Variants in RREB1 observed in about 807,000 individuals in gnomAD.
RREB1 encodes ras-responsive element-binding protein 1.
In RREB1, 27 loss-of-function variants were observed where a neutral mutation model predicts 117.8. That is an observed-to-expected ratio of 0.23 (90% confidence interval 0.17 to 0.32). RREB1 has a LOEUF of 0.32. RREB1 is among the 10% of genes least tolerant of loss of function. RREB1 has a pLI of 1.00. For missense variants in RREB1, 2,577 were observed against 2,378.2 expected (o/e 1.08, Z -1.74); for synonymous variants, 1,298 against 1,026.7 (o/e 1.26, Z -5.05).
chr6:7,230,593 G>A lies in RREB1; in HGVS notation c.2494G>A (p.Gly832Ser). 1.2e-6 allele frequency: 2 copies of A among 1,604,094 alleles called. No homozygotes were observed. Among genetic ancestry groups the A allele is most frequent in the Admixed American group, 3.4e-5 (2 of 58,988 alleles). Residue 832 changes from glycine (G) to serine (S), a missense_variant, in exon 10 of 13, where the codon GGC becomes AGC. Transcript: ENST00000379938. ...CTACGTGCTGGCCGCCGACGGCCTG[G>A]GCCCCGCAGAGGCGCCGGCCGCTGA... is the stretch of plus-strand genomic sequence containing the variant. ...ESYVLAADGL[G>S]PAEAPAAEAS...
chr6:7,198,406 T>C (rs1765771151), intron 6 of RREB1, among the ~76,000 whole-genome samples: 1 of 152,140 alleles, frequency 6.6e-6, no homozygotes, highest in Admixed American at 6.5e-5. Context: ...GAAAAGAAAA[T>C]CTTAAAAGCA....
chr6:7,112,470 T>G (rs772020057), intron 1 of RREB1, among the ~76,000 whole-genome samples: 4 of 152,184 alleles, frequency 2.6e-5, no homozygotes, highest in Non-Finnish European at 4.4e-5. Flanking sequence ...TTCTTTTCTC[T>G]CTTTCTTTCC....
At chr6:7,124,262 G>A (rs1761811672) in intron 1 of RREB1, among the ~76,000 whole-genome samples, 1 of 152,172 alleles carries the variant, frequency 6.6e-6, no homozygotes, top group Non-Finnish European at 1.5e-5. Context: ...GTGTGGTCAT[G>A]TGTTCCTTTT....
At chr6:7,242,243 T>G (rs1343069074) in intron 11 of RREB1, among the ~76,000 whole-genome samples, 1 of 152,200 alleles carries the variant, frequency 6.6e-6, no homozygotes, top group Admixed American at 6.5e-5. Flanking sequence ...GAACAAAGAC[T>G]GGGGCTCCTG....
At chr6:7,228,173 T>C (rs552414148) in intron 9 of RREB1, among the ~76,000 whole-genome samples, 1 of 152,240 alleles carries the variant, frequency 6.6e-6, no homozygotes, top group South Asian at 2.1e-4. Flanking sequence ...ACTCAATGGA[T>C]TGTTCCATAT....
chr6:7,230,595 C>T lies in RREB1; in HGVS notation c.2496C>T (p.Gly832=), dbSNP rs774824920. The T allele has an allele frequency of 2.5e-6, 4 of 1,604,042 alleles. No individual in the cohort carries two copies. The highest frequency in any genetic ancestry group is 1.7e-6 in the Non-Finnish European group (2 of 1,175,838). ...ACGTGCTGGCCGCCGACGGCCTGGG[C>T]CCCGCAGAGGCGCCGGCCGCTGAGG... is the stretch of plus-strand genomic sequence containing the variant. ...ESYVLAADGL[G]PAEAPAAEAS... The change falls in exon 10 of 13, where the codon GGC becomes GGT. Residue 832 remains glycine, a synonymous_variant. Coordinates refer to ENST00000379938, the MANE Select transcript of RREB1 (RefSeq NM_001003699.4).
chr6:7,191,378 CAT>C lies in RREB1; in HGVS notation c.425+2057_425+2058del, dbSNP rs1383496363. 2.0e-5 allele frequency among the ~76,000 whole-genome samples: 3 copies of C among 152,088 alleles called. No homozygotes were observed. The East Asian group carries it at 5.8e-4, about 29-fold the overall frequency. ...ACTTATCCCTTGATCAGCTGATGGA[CAT>C]GTGGGTTGTTTCAACTTTTTGGTTA... On this transcript the variant is annotated intron_variant, in intron 6 of 12. Coordinates refer to ENST00000379938, the MANE Select transcript of RREB1 (RefSeq NM_001003699.4).
At position 7,126,191 on chromosome 6, in the gene RREB1, T is replaced by A. The variant is rs147180134; in HGVS notation, c.-285+18131T>A. On this transcript the variant is annotated intron_variant, in intron 1 of 12. Coordinates refer to ENST00000379938, the MANE Select transcript of RREB1 (RefSeq NM_001003699.4). ...TAATTTTTGTATTTTTAGTAGAGGC[T>A]GGGTTTCACTATGTTGGTCAGGCTG... is the stretch of plus-strand genomic sequence containing the variant. Among the ~76,000 whole-genome samples the A allele has an allele frequency of 5.1e-3, 783 of 152,142 alleles. 9 individuals carry two copies. Among genetic ancestry groups the A allele is most frequent in the African/African-American group, 0.016 (683 of 41,476 alleles).
At chr6:7,111,726 C>G (rs1429581659) in intron 1 of RREB1, among the ~76,000 whole-genome samples, 2 of 152,092 alleles carry the variant, frequency 1.3e-5, no homozygotes, top group East Asian at 3.9e-4. Context: ...AATTGAAGTT[C>G]AGTACTCTAT....
At chr6:7,174,363 G>A (rs192275200) in intron 1 of RREB1, among the ~76,000 whole-genome samples, 6 of 152,182 alleles carry the variant, frequency 3.9e-5, no homozygotes, top group Non-Finnish European at 7.4e-5. Flanking sequence ...CAAGAGGATG[G>A]AAGTTTCAAG....
intron 6 of RREB1, among the ~76,000 whole-genome samples, chr6:7,191,090 TA>T (rs1765376152): frequency 6.6e-6 from 1 of 152,198 alleles, no homozygotes; most frequent in Non-Finnish European, 1.5e-5. Context: ...AACACAGCTA[TA>T]AAAGGCGTAG....
In RREB1 at chr6:7,231,707, A is replaced by G. The variant is rs1287533031; in HGVS notation, c.3608A>G (p.Asn1203Ser). The G allele has an allele frequency of 2.2e-5, 36 of 1,613,424 alleles. No homozygotes were observed. Among genetic ancestry groups the G allele is most frequent in the Non-Finnish European group, 3.0e-5 (35 of 1,179,814 alleles). The part of the protein sequence containing the change: ...FSPFLQTAED[N>S]TQDEVAGAPA... The stretch of plus-strand genomic sequence containing the variant: ...CCGTTTCTGCAGACAGCGGAGGACA[A>G]CACTCAGGATGAGGTGGCCGGAGCC... The change falls in exon 10 of 13, where the codon AAC becomes AGC. Residue 1203 changes from asparagine to serine, a missense_variant. Transcript: ENST00000379938.
intron 1 of RREB1, among the ~76,000 whole-genome samples, chr6:7,121,575 T>C (rs1172896719): frequency 1.3e-5 from 2 of 152,140 alleles, no homozygotes; most frequent in Non-Finnish European, 2.9e-5. Context: ...GTTGTGTATC[T>C]AATGTGTTGG....
At chr6:7,170,673 A>T (rs1764164476) in intron 1 of RREB1, among the ~76,000 whole-genome samples, 1 of 152,230 alleles carries the variant, frequency 6.6e-6, no homozygotes, top group Non-Finnish European at 1.5e-5. Context: ...AGCCCTGCAT[A>T]GATCCATTCC....
chr6:7,178,716 A>G, intron 2 of RREB1, among the ~76,000 whole-genome samples: 1 of 152,112 alleles, frequency 6.6e-6, no homozygotes, highest in Non-Finnish European at 1.5e-5. Flanking sequence ...CATTTTATTA[A>G]TTACGCTTTC....
intron 11 of RREB1, among the ~76,000 whole-genome samples, chr6:7,245,006 T>A (rs1768920228): frequency 1.3e-5 from 2 of 152,232 alleles, no homozygotes; most frequent in Admixed American, 6.5e-5. Flanking sequence ...TGCAATCACA[T>A]CTGGCCTATT....
At chr6:7,213,811 C>T (rs190939029) in intron 8 of RREB1, 2 of 152,244 alleles carry the variant, frequency 1.3e-5, no homozygotes, top group African/African-American at 4.8e-5. Flanking sequence ...CTGAGCCCGT[C>T]TGTATACTTC....
intron 1 of RREB1, among the ~76,000 whole-genome samples, chr6:7,155,322 T>C (rs191695557): frequency 6.6e-6 from 1 of 152,348 alleles, no homozygotes; most frequent in East Asian, 1.9e-4. Context: ...TGTTTGTTTG[T>C]CTGAGACAGA....
At chr6:7,218,622 C>T (rs1767048376) in intron 8 of RREB1, 2 of 152,128 alleles carry the variant, frequency 1.3e-5, no homozygotes, top group Admixed American at 1.3e-4. Flanking sequence ...TTGCAGATTC[C>T]CTTTTCAGGG....
Sources: allele counts gnomAD v4.1 joint callset (sites outside exome capture counted in the v4.1 genomes callset), GRCh38; gene constraint gnomAD v4.1.1; transcripts MANE v1.5; gene names NCBI Gene and HGNC (gene_info 2026-07-23, HGNC 2026-07-21).